The following UBE2W variants were observed in gnomAD, a reference collection of about 807,000 sequenced individuals.
UBE2W encodes ubiquitin-conjugating enzyme E2 W.
In UBE2W, 18 loss-of-function variants were observed where a neutral mutation model predicts 27.2. That is an observed-to-expected ratio of 0.66 (90% confidence interval 0.46 to 0.98). The LOEUF is 0.98. Ranked by LOEUF, UBE2W falls within the 50% of genes least tolerant of loss-of-function variation. The pLI, the probability that UBE2W is intolerant of heterozygous loss-of-function variation, is 0.00. For missense variants in UBE2W, 90 were observed against 180.2 expected (o/e 0.50, Z 2.87); for synonymous variants, 53 against 57.2 (o/e 0.93, Z 0.33).
At chr8:73,794,779 G>A (rs1035473826) in intron 5 of UBE2W, among the ~76,000 whole-genome samples, 7 of 149,056 alleles carry the variant, frequency 4.7e-5, no homozygotes, top group African/African-American at 1.7e-4. Context: ...GGCACACATC[G>A]GTAGTCTCAG....
At position 73,791,346 on chromosome 8, in the gene UBE2W, T is replaced by C. The variant is rs564749826; in HGVS notation, c.*2756A>G. ...GGAAGCAAATGTATCACTGTCTTAA[T>C]AGAATTTGGCAAACCAGAAGAATGG... is the stretch of plus-strand genomic sequence containing the variant. On this transcript the variant is annotated 3_prime_UTR_variant, in exon 6 of 6. Transcript: ENST00000602593. The C allele has an allele frequency of 4.2e-5, 41 of 982,940 alleles. No individual in the cohort carries two copies. Among genetic ancestry groups the C allele is most frequent in the African/African-American group, 1.6e-4 (9 of 56,820 alleles). 60.9% of individuals were successfully genotyped at this position (982,940 alleles called of 1,614,324 possible).
rs766835399 is a variant in UBE2W, at chr8:73,790,156, C to T, written c.*3946G>A. 1.3e-5 allele frequency: 13 copies of T among 984,422 alleles called. No homozygotes were observed. Among genetic ancestry groups the T allele is most frequent in the African/African-American group, 7.0e-5 (4 of 57,022 alleles). The allele number at this position is 984,422 out of a possible 1,614,324, so 61.0% of individuals were successfully genotyped here. A position where few individuals can be genotyped will look rare whatever the true frequency, so the allele number is the denominator to read the frequency against. ...AAATTCATGGCATAATTTTAATAAT[C>T]GTCCTTCTGTAGAATCCCTAACCTC... On this transcript the variant is annotated 3_prime_UTR_variant, in exon 6 of 6. Coordinates refer to ENST00000602593, the MANE Select transcript of UBE2W (RefSeq NM_018299.6).
chr8:73,811,380 A>G (rs1053084782), intron 3 of UBE2W, among the ~76,000 whole-genome samples: 3 of 152,156 alleles, frequency 2.0e-5, no homozygotes, highest in African/African-American at 7.2e-5. Flanking sequence ...CAAATATCTT[A>G]AAGTAGTTTT....
intron 1 of UBE2W, chr8:73,870,357 T>C (rs1166308993): frequency 1.3e-6 from 2 of 1,520,900 alleles, no homozygotes; most frequent in South Asian, 1.2e-5. Flanking sequence ...AAATCTATTT[T>C]TTCCATTGAT....
intron 1 of UBE2W, among the ~76,000 whole-genome samples, chr8:73,832,673 T>C (rs1050240902): frequency 6.6e-6 from 1 of 152,194 alleles, no homozygotes; most frequent in African/African-American, 2.4e-5. Flanking sequence ...ACCAGAACTG[T>C]TTCGGATTTA....
Position 73,789,243 on chromosome 8 carries a change from G to A in UBE2W, c.*4859C>T, listed in dbSNP as rs1410032206. ...CCCAGCATTTTGGGAGGCTGAGGCA[G>A]GAGGAATGCTTGAGCCCAGGAATTC... On this transcript the variant is annotated 3_prime_UTR_variant, in exon 6 of 6. Transcript: ENST00000602593. 4 of 935,648 alleles carry A rather than the reference G, an allele frequency of 4.3e-6. No homozygotes were observed. Among genetic ancestry groups the A allele is most frequent in the Non-Finnish European group, 5.0e-6 (4 of 792,204 alleles). The allele number at this position is 935,648 out of a possible 1,614,324, so 58.0% of individuals were successfully genotyped here. A position where few individuals can be genotyped will look rare whatever the true frequency, so the allele number is the denominator to read the frequency against.
intron 1 of UBE2W, among the ~76,000 whole-genome samples, chr8:73,874,031 CG>C (rs1409673488): frequency 2.6e-5 from 4 of 152,108 alleles, no homozygotes; most frequent in Non-Finnish European, 5.9e-5. Context: ...TGCTAACTTA[CG>C]AGAAGTCTGA....
chr8:73,855,992 T>A (rs1229254574), intron 1 of UBE2W, among the ~76,000 whole-genome samples: 2 of 152,216 alleles, frequency 1.3e-5, no homozygotes, highest in African/African-American at 4.8e-5. Context: ...TATAGTTTTA[T>A]ACATAGTTTA....
At chr8:73,858,360 CAAAA>C (rs10538314) in intron 1 of UBE2W, among the ~76,000 whole-genome samples, 5 of 90,338 alleles carry the variant, frequency 5.5e-5, no homozygotes, top group African/African-American at 1.5e-4. Context: ...GACTTCATCT[CAAAA>C]AAAAAAAAAA....
At chr8:73,818,384 T>C (rs1172090745) in intron 3 of UBE2W, among the ~76,000 whole-genome samples, 1 of 152,196 alleles carries the variant, frequency 6.6e-6, no homozygotes, top group South Asian at 2.1e-4. Context: ...CTGATCTCCC[T>C]GCACCTTTAT....
intron 3 of UBE2W, among the ~76,000 whole-genome samples, chr8:73,815,016 G>T (rs978097175): frequency 8.5e-5 from 13 of 152,116 alleles, no homozygotes; most frequent in South Asian, 2.1e-4. Flanking sequence ...TACTGTGAAT[G>T]TAGTGCCTTT....
rs759063478 is a variant in UBE2W, at chr8:73,842,528, C to CAAAAA, written c.16-12061_16-12057dup. Among the ~76,000 whole-genome samples, 72 of 9,674 alleles carry CAAAAA rather than the reference C, an allele frequency of 7.4e-3. 20 individuals are homozygous for CAAAAA. The highest frequency in any genetic ancestry group is 0.019 in the African/African-American group (68 of 3,558). 6.3% of individuals were successfully genotyped at this position (9,674 alleles called of 152,430 possible). On this transcript the variant is annotated intron_variant, in intron 1 of 5. Transcript: ENST00000602593. Reference sequence around the variant, plus strand: ...TGGGCGACAGAGGGAGACTCCGTCTCAAAAAAAAAAAAAAAAAAAAAAAAA... The same window carrying CAAAAA: ...TGGGCGACAGAGGGAGACTCCGTCTCAAAAAAAAAAAAAAAAAAAAAAAAAAAAAA...
intron 1 of UBE2W, among the ~76,000 whole-genome samples, chr8:73,876,193 A>G (rs750434567): frequency 3.3e-5 from 5 of 151,944 alleles, no homozygotes; most frequent in East Asian, 1.9e-4. Flanking sequence ...CAGCAACTAG[A>G]TAAGTGTCTG....
intron 5 of UBE2W, among the ~76,000 whole-genome samples, chr8:73,804,617 T>A (rs1371603278): frequency 1.3e-5 from 2 of 152,062 alleles, no homozygotes; most frequent in Non-Finnish European, 2.9e-5. Context: ...GAGGTACCCC[T>A]TACTGTGACT....
intron 1 of UBE2W, among the ~76,000 whole-genome samples, chr8:73,861,248 G>A (rs1250675626): frequency 2.6e-5 from 4 of 152,176 alleles, no homozygotes; most frequent in African/African-American, 4.8e-5. Flanking sequence ...AAGGACAAGA[G>A]AGATATAAGC....
rs112883055 is a variant in UBE2W at position 73,798,782 on chromosome 8, C to T, written c.443-4667G>A. On this transcript the variant is annotated intron_variant, in intron 5 of 5. Coordinates refer to ENST00000602593, the MANE Select transcript of UBE2W (RefSeq NM_018299.6). ...TGTTTTATGATATAGAACTCTGAGG[C>T]CTCAATCATTCATTTATTGGTGCAT... Among the ~76,000 whole-genome samples, 346 of 152,258 alleles carry T rather than the reference C, an allele frequency of 2.3e-3. 1 individual carries two copies. Among genetic ancestry groups the T allele is most frequent in the Non-Finnish European group, 3.9e-3 (264 of 68,018 alleles).
At chr8:73,805,472 C>CAAAAAAAAAAAACAAAAAAAAAAAAA in intron 5 of UBE2W, among the ~76,000 whole-genome samples, 179 bp downstream of exon 5, 1 of 43,690 alleles carries the variant, frequency 2.3e-5, no homozygotes, top group Non-Finnish European at 5.0e-5. Flanking sequence ...AAAAAAAAAA[C>CAAAAAAAAAAAACAAAAAAAAAAAAA]AAAAAAAACT....
Position 73,790,260 on chromosome 8 carries a change from GAGGCAGAAAAAT to G in UBE2W, c.*3830_*3841del, listed in dbSNP as rs1445788357. The G allele has an allele frequency of 2.0e-5, 20 of 985,122 alleles. No homozygotes were observed. Among genetic ancestry groups the G allele is most frequent in the Non-Finnish European group, 2.4e-5 (20 of 829,894 alleles). 61.0% of individuals were successfully genotyped at this position (985,122 alleles called of 1,614,324 possible). ...CTGACACATTGGACATCAGTGGGAA[GAGGCAGAAAAAT>G]AGGAAGAAAAATAAAGGACAGATTT... On this transcript the variant is annotated 3_prime_UTR_variant, in exon 6 of 6. Coordinates refer to ENST00000602593, the MANE Select transcript of UBE2W (RefSeq NM_018299.6).
downstream of UBE2W, among the ~76,000 whole-genome samples, chr8:73,786,007 G>A (rs1005245687): frequency 2.6e-5 from 4 of 152,122 alleles, no homozygotes; most frequent in African/African-American, 9.7e-5. Context: ...TATGCCCTTT[G>A]AAGATATATA....
Sources: allele counts gnomAD v4.1 joint callset (sites outside exome capture counted in the v4.1 genomes callset), GRCh38; gene constraint gnomAD v4.1.1; transcripts MANE v1.5; gene names NCBI Gene and HGNC (gene_info 2026-07-23, HGNC 2026-07-21).